Variants in PHF2 observed in about 807,000 individuals in gnomAD.
PHF2 encodes lysine-specific demethylase PHF2.
In PHF2, 27 loss-of-function variants were observed where a neutral mutation model predicts 120.5. The observed-to-expected ratio is 0.22, with a 90% CI of 0.17 to 0.31. The LOEUF (loss-of-function observed/expected upper bound fraction) is 0.31, where lower values mean the gene tolerates loss of function less well. Ranked by LOEUF, PHF2 falls within the 10% of genes least tolerant of loss-of-function variation. The pLI is 1.00. For missense variants in PHF2, 1,024 were observed against 1,434.8 expected, an observed-to-expected ratio of 0.71 and a Z score of 4.63; for synonymous variants, 568 against 592.5, an observed-to-expected ratio of 0.96 and a Z score of 0.60.
intron 3 of PHF2, among the ~76,000 whole-genome samples, chr9:93,644,244 G>C (rs2117856257): frequency 6.6e-6 from 1 of 152,238 alleles, no homozygotes; most frequent in East Asian, 1.9e-4. Context: ...AAATTAGCCA[G>C]GCATGGTGGC....
At chr9:93,586,129 T>C (rs1448790533) in intron 1 of PHF2, among the ~76,000 whole-genome samples, 1 of 152,186 alleles carries the variant, frequency 6.6e-6, no homozygotes, top group Admixed American at 6.5e-5. Flanking sequence ...AGGGGTGAAG[T>C]GGGGCTTTGG....
chr9:93,645,713 C>A lies in PHF2; in HGVS notation c.384C>A (p.Leu128=). 6.2e-7 allele frequency: 1 copy of A among 1,612,636 alleles called. No homozygotes were observed. Reference sequence around the variant, plus strand: ...AGCACGGCTTCACCGAGCCCATCCTCGTCCCTAAGAAAGACGGGCTGGGTC... The same window carrying A: ...AGCACGGCTTCACCGAGCCCATCCTAGTCCCTAAGAAAGACGGGCTGGGTC... ...MEEHGFTEPI[L]VPKKDGLGLA... is the part of the protein sequence containing the mutation. The change falls in exon 4 of 22, where the codon CTC becomes CTA. Residue 128 remains leucine, a synonymous_variant. Transcript: ENST00000359246.
At chr9:93,661,780 A>T (rs1826571517) in intron 12 of PHF2, among the ~76,000 whole-genome samples, 1 of 151,084 alleles carries the variant, frequency 6.6e-6, no homozygotes, top group Non-Finnish European at 1.5e-5. Context: ...GGGTAGATGG[A>T]TAGATGAATG....
intron 5 of PHF2, among the ~76,000 whole-genome samples, chr9:93,651,182 A>T (rs181352076): frequency 1.3e-5 from 2 of 151,752 alleles, no homozygotes; most frequent in Admixed American, 1.3e-4. Context: ...GGAGTGGGTT[A>T]TGGTACCAGA....
chr9:93,677,179 C>T lies in PHF2; in HGVS notation c.3202+216C>T, dbSNP rs1237861274. ...TGCTTTCATCCTTCTGCTCAGTGGG[C>T]GTGCTCAGCCCCTGATCTGCCTGCA... On this transcript the variant is annotated intron_variant, in intron 21 of 21. Coordinates refer to ENST00000359246, the MANE Select transcript of PHF2 (RefSeq NM_005392.4). This position sits in a 1 kb window ranked among gnomAD's most constrained non-coding sequence, Gnocchi z 4.4. Among the ~76,000 whole-genome samples the T allele has an allele frequency of 6.7e-6, 1 of 150,310 alleles. No individual in the cohort carries two copies. Among genetic ancestry groups the T allele is most frequent in the Non-Finnish European group, 1.5e-5 (1 of 67,674 alleles).
intron 2 of PHF2, among the ~76,000 whole-genome samples, chr9:93,636,103 C>T (rs1022211869): frequency 6.6e-6 from 1 of 152,112 alleles, no homozygotes; most frequent in Non-Finnish European, 1.5e-5. Flanking sequence ...CTGGTGGTCT[C>T]TGCAGACTCA....
At chr9:93,636,077 T>C (rs1019056636) in intron 2 of PHF2, among the ~76,000 whole-genome samples, 5 of 152,052 alleles carry the variant, frequency 3.3e-5, no homozygotes. Context: ...TGAGGACCTT[T>C]TCAGGAGGTG....
intron 1 of PHF2, among the ~76,000 whole-genome samples, chr9:93,615,258 GATGATTGGTGATGGTGATGATAGTA>G (rs1313588813): frequency 2.7e-5 from 4 of 150,158 alleles, no homozygotes; most frequent in Admixed American, 6.6e-5. Flanking sequence ...TGGTGATGGT[GATGATTGGTGATGGTGATGATAGTA>G]ATGATGGTGA....
chr9:93,674,209 C>T (rs77286250), intron 18 of PHF2, among the ~76,000 whole-genome samples: 3,480 of 152,186 alleles, frequency 0.023, 77 homozygotes, highest in East Asian at 0.1. Flanking sequence ...CGACAGGCCC[C>T]GGAGGTTGAA....
intron 17 of PHF2, among the ~76,000 whole-genome samples, chr9:93,670,383 G>A (rs906675131): frequency 3.9e-5 from 6 of 152,242 alleles, no homozygotes; most frequent in African/African-American, 1.4e-4. Context: ...GCTGGACCAC[G>A]TGAGTGGTGG....
chr9:93,621,243 A>T (rs1050101882), intron 1 of PHF2, among the ~76,000 whole-genome samples: 2 of 152,204 alleles, frequency 1.3e-5, no homozygotes, highest in Non-Finnish European at 2.9e-5. Flanking sequence ...CGGGCCCTGG[A>T]TGCAGCCCCT....
In PHF2 at chr9:93,647,245, G is replaced by A. The variant is rs1442413320; in HGVS notation, c.460+1456G>A. ...TGCCTAGTGCCAGGCATTTTTCTAAGCTCTTCCCACGTAGGAGCTAATTTC... is the reference window on the plus strand; with the variant it reads ...TGCCTAGTGCCAGGCATTTTTCTAAACTCTTCCCACGTAGGAGCTAATTTC... On this transcript the variant is annotated intron_variant, in intron 4 of 21. Transcript: ENST00000359246. Among the ~76,000 whole-genome samples, 5 of 152,280 alleles carry A rather than the reference G, an allele frequency of 3.3e-5. No individual in the cohort carries two copies. The South Asian group carries it at 8.3e-4, about 25-fold the overall frequency.
At chr9:93,638,042 G>A (rs1002215387) in intron 3 of PHF2, among the ~76,000 whole-genome samples, 6 of 151,950 alleles carry the variant, frequency 3.9e-5, no homozygotes, top group African/African-American at 1.4e-4. Context: ...GTGATGTTGA[G>A]CATCTTTTCA....
At chr9:93,601,194 A>C (rs1157852493) in intron 1 of PHF2, among the ~76,000 whole-genome samples, 1 of 152,156 alleles carries the variant, frequency 6.6e-6, no homozygotes, top group Admixed American at 6.5e-5. Context: ...TTGCATTCCC[A>C]TCTACTGAAA....
intron 6 of PHF2, 93 bp from the exon 7 acceptor site, chr9:93,654,320 G>A (rs1826419840): frequency 1.7e-6 from 2 of 1,205,958 alleles, no homozygotes; most frequent in Non-Finnish European, 2.4e-6. Context: ...TCGTGGACCT[G>A]GGCAGGGTAC....
intron 10 of PHF2, among the ~76,000 whole-genome samples, chr9:93,659,128 C>T (rs1481929606): frequency 6.6e-6 from 1 of 152,238 alleles, no homozygotes; most frequent in East Asian, 1.9e-4. Flanking sequence ...GCAGCCAGTG[C>T]ACTCCCAGGG....
At chr9:93,644,761 G>C (rs1169436238) in intron 3 of PHF2, among the ~76,000 whole-genome samples, 1 of 152,110 alleles carries the variant, frequency 6.6e-6, no homozygotes, top group African/African-American at 2.4e-5. Flanking sequence ...TGGGGCTGAG[G>C]GCTCTGGGTC....
intron 10 of PHF2, 35 bp downstream of exon 10, chr9:93,658,271 G>A: frequency 6.5e-7 from 1 of 1,545,188 alleles, no homozygotes; most frequent in Non-Finnish European, 8.9e-7. Flanking sequence ...TAGGGCAGGA[G>A]AGCAGTGACA....
chr9:93,604,686 G>A (rs1185158772), intron 1 of PHF2, among the ~76,000 whole-genome samples: 1 of 151,986 alleles, frequency 6.6e-6, no homozygotes, highest in Non-Finnish European at 1.5e-5. Context: ...GGATGGCCTC[G>A]ATCTCCTGAC....
Sources: gnomAD v4.1 joint callset for allele counts (sites outside exome capture counted in the v4.1 genomes callset) on GRCh38, gnomAD v4.1.1 for gene constraint, Gnocchi (gnomAD v3.1) non-coding constraint, MANE v1.5 for transcripts, NCBI Gene and HGNC (gene_info 2026-07-23, HGNC 2026-07-21) for gene names.